RFTN2: variants seen among roughly 807,000 people sequenced by gnomAD.
RFTN2 encodes the protein raftlin family member 2.
In RFTN2, 34 loss-of-function variants were observed where a neutral mutation model predicts 52.7. The observed-to-expected ratio is 0.64, with a 90% CI of 0.49 to 0.86. The LOEUF (loss-of-function observed/expected upper bound fraction) is 0.86. Ranked by LOEUF, RFTN2 falls within the 40% of genes least tolerant of loss-of-function variation. The probability of loss-of-function intolerance (pLI) is 0.00; values close to 1 mark genes in which losing one functional copy is unlikely to be tolerated. For missense variants in RFTN2, 536 were observed against 600.1 expected (o/e 0.89, Z 1.12); for synonymous variants, 203 against 217.7 (o/e 0.93, Z 0.59).
At chr2:197,651,324 GA>G (rs1217423056) in intron 1 of RFTN2, among the ~76,000 whole-genome samples, 1 of 152,098 alleles carries the variant, frequency 6.6e-6, no homozygotes, top group Non-Finnish European at 1.5e-5. Context: ...TCATATCCAA[GA>G]AATCATTGTC....
At chr2:197,634,780 C>T (rs957407000) in intron 3 of RFTN2, among the ~76,000 whole-genome samples, 1 of 150,714 alleles carries the variant, frequency 6.6e-6, no homozygotes, top group Admixed American at 6.6e-5. Context: ...TACATGTGCA[C>T]ATTGTGCAGG....
At chr2:197,612,528 G>T (rs1391094954) in intron 7 of RFTN2, among the ~76,000 whole-genome samples, 2 of 152,202 alleles carry the variant, frequency 1.3e-5, no homozygotes, top group Non-Finnish European at 2.9e-5. Context: ...CACCAAATTT[G>T]CTCTGAAGAG....
chr2:197,633,828 C>T lies in RFTN2; in HGVS notation c.608G>A (p.Ser203Asn). ...AATTCCGCTTTCAGATGACTGCCCACTTAACGTCCCTTCATTCCAACTTCT... is the reference window on the plus strand; with the variant it reads ...AATTCCGCTTTCAGATGACTGCCCATTTAACGTCCCTTCATTCCAACTTCT... ...NCRSWNEGTL[S>N]GQSSESGIEE... Residue 203 changes from serine to asparagine, a missense_variant, in exon 4 of 9, where the codon AGT (serine) becomes AAT (asparagine). By Grantham distance (46) the Ser-to-Asn change is conservative (BLOSUM62 1). Coordinates refer to ENST00000295049, the MANE Select transcript of RFTN2 (RefSeq NM_144629.3). 6.2e-7 allele frequency: 1 copy of T among 1,613,954 alleles called. No individual in the cohort carries two copies. Among genetic ancestry groups the T allele is most frequent in the Non-Finnish European group, 8.5e-7 (1 of 1,179,896 alleles).
chr2:197,653,246 T>C (rs183617212), intron 1 of RFTN2, among the ~76,000 whole-genome samples: 1 of 152,200 alleles, frequency 6.6e-6, no homozygotes, highest in East Asian at 1.9e-4. Context: ...TAAACTGTTT[T>C]CAATTTAGGG....
intron 3 of RFTN2, among the ~76,000 whole-genome samples, chr2:197,639,004 A>G (rs1466520147): frequency 3.5e-5 from 5 of 144,228 alleles, no homozygotes; most frequent in African/African-American, 1.3e-4. Flanking sequence ...TATGAAGCTT[A>G]GTTTGGCTGG....
intron 1 of RFTN2, among the ~76,000 whole-genome samples, chr2:197,651,825 A>T (rs534252984): frequency 6.6e-6 from 1 of 152,316 alleles, no homozygotes; most frequent in African/African-American, 2.4e-5. Context: ...AAAATAAAGA[A>T]CTTTGATACT....
chr2:197,673,470 A>C (rs924556097), intron 1 of RFTN2, among the ~76,000 whole-genome samples: 5 of 152,184 alleles, frequency 3.3e-5, no homozygotes, highest in African/African-American at 9.7e-5. Context: ...ACATGGGGAA[A>C]AATTGGAGCG....
chr2:197,651,006 T>A (rs1001527736), intron 1 of RFTN2, among the ~76,000 whole-genome samples: 1 of 152,218 alleles, frequency 6.6e-6, no homozygotes, highest in African/African-American at 2.4e-5. Context: ...TTATTGTGGT[T>A]TTGATTTGTA....
rs111347809 is a variant in RFTN2, at chr2:197,604,740, CTATTTATTTATTTATT to C, written c.1155-8687_1155-8672del. Reference sequence around the variant, plus strand: ...TGCACATTTGTGTTTTATGCACATTCTATTTATTTATTTATTTATTTATTTATTTATTTATTTTGAG... The same window carrying C: ...TGCACATTTGTGTTTTATGCACATTCTATTTATTTATTTATTTATTTTGAG... On this transcript the variant is annotated intron_variant, in intron 7 of 8. Transcript: ENST00000295049. Among the ~76,000 whole-genome samples the C allele has an allele frequency of 3.2e-3, 481 of 150,440 alleles. 2 individuals carry two copies. Among genetic ancestry groups the C allele is most frequent in the South Asian group, 0.016 (76 of 4,746 alleles).
At chr2:197,667,975 T>C (rs1189119001) in intron 1 of RFTN2, among the ~76,000 whole-genome samples, 1 of 152,106 alleles carries the variant, frequency 6.6e-6, no homozygotes, top group Non-Finnish European at 1.5e-5. Flanking sequence ...AGGAGGGTCC[T>C]TGGCCCCCTG....
chr2:197,603,355 T>TTAAA (rs1179361332), intron 7 of RFTN2, among the ~76,000 whole-genome samples: 2 of 152,184 alleles, frequency 1.3e-5, no homozygotes, highest in Non-Finnish European at 2.9e-5. Flanking sequence ...CTTTTGTTAA[T>TTAAA]TAAAGACATC....
Position 197,617,853 on chromosome 2 carries a change from A to T in RFTN2, c.997T>A (p.Ser333Thr), listed in dbSNP as rs1320461687. The T allele has an allele frequency of 1.2e-6, 2 of 1,609,526 alleles. No homozygotes were observed. Among genetic ancestry groups the T allele is most frequent in the Non-Finnish European group, 1.7e-6 (2 of 1,176,760 alleles). Residue 333 changes from serine (S) to threonine (T), a missense_variant, in exon 6 of 9, where the codon TCT (serine) becomes ACT (threonine). Transcript: ENST00000295049. Reference protein sequence around the residue: ...YEEEGSGVPGSSRKGNDAIVV... With the variant: ...YEEEGSGVPGTSRKGNDAIVV... ...ATGGCATCATTTCCTTTCCTACTAG[A>T]ACCTGGAACTCCAGAACCTTCTTCT... is the stretch of plus-strand genomic sequence containing the variant.
chr2:197,664,107 GTTC>G (rs1290563439), intron 1 of RFTN2, among the ~76,000 whole-genome samples: 1 of 152,020 alleles, frequency 6.6e-6, no homozygotes, highest in African/African-American at 2.4e-5. Context: ...AGTTTACAAA[GTTC>G]TTCTTGGTAT....
intron 4 of RFTN2, among the ~76,000 whole-genome samples, chr2:197,632,969 G>A (rs575993414): frequency 6.6e-6 from 1 of 152,264 alleles, no homozygotes; most frequent in African/African-American, 2.4e-5. Flanking sequence ...ACCCAATGAG[G>A]GAGTTCTTAC....
intron 1 of RFTN2, among the ~76,000 whole-genome samples, chr2:197,650,529 C>T (rs1234292791): frequency 2.0e-5 from 3 of 152,168 alleles, no homozygotes; most frequent in African/African-American, 4.8e-5. Flanking sequence ...GAATCTTCCT[C>T]GTATCTTTAC....
chr2:197,593,087 G>A (rs1423916279), intron 8 of RFTN2, among the ~76,000 whole-genome samples: 1 of 152,128 alleles, frequency 6.6e-6, no homozygotes. Context: ...AAGAGGAATT[G>A]TAAGTTATAA....
chr2:197,667,384 T>G (rs1464061688), intron 1 of RFTN2, among the ~76,000 whole-genome samples: 1 of 152,238 alleles, frequency 6.6e-6, no homozygotes, highest in Admixed American at 6.5e-5. Flanking sequence ...TCTCTTGTAT[T>G]TCACTGAGCT....
At chr2:197,600,151 G>A (rs1041812803) in intron 7 of RFTN2, among the ~76,000 whole-genome samples, 1 of 152,086 alleles carries the variant, frequency 6.6e-6, no homozygotes, top group Non-Finnish European at 1.5e-5. Context: ...GAGCCACCTC[G>A]CCTGGCCTAA....
In RFTN2 at chr2:197,651,347, A is replaced by G. The variant is rs571384568; in HGVS notation, c.140-4681T>C. Among the ~76,000 whole-genome samples the G allele has an allele frequency of 7.9e-5, 12 of 152,306 alleles. No homozygotes were observed. In the South Asian group the frequency reaches 1.7e-3, roughly 21 times the overall value. ...AAGAAATCATTGTCAGGCCAGGCGC[A>G]GTGGCTCACGCCCGTAATCCCAGCA... On this transcript the variant is annotated intron_variant, in intron 1 of 8. Transcript: ENST00000295049.
Sources: gnomAD v4.1 joint callset for allele counts (sites outside exome capture counted in the v4.1 genomes callset) on GRCh38, gnomAD v4.1.1 for gene constraint, MANE v1.5 for transcripts, NCBI Gene and HGNC (gene_info 2026-07-23, HGNC 2026-07-21) for gene names.